MRPL47: variants seen among roughly 807,000 people sequenced by gnomAD.
The protein encoded by MRPL47 is mitochondrial ribosomal protein L47.
A neutral mutation model predicts 34.0 loss-of-function variants in MRPL47; 31 were observed. The ratio of observed to expected loss-of-function variants is 0.91; its 90% confidence interval spans 0.68 to 1.23. The LOEUF (loss-of-function observed/expected upper bound fraction) is 1.23, where lower values mean the gene tolerates loss of function less well. Among genes scored for constraint, MRPL47 ranks in the 50% most tolerant of loss-of-function variants. MRPL47 has a pLI of 0.00. For missense variants in MRPL47, 328 were observed against 285.8 expected, an observed-to-expected ratio of 1.15 and a Z score of -1.07; for synonymous variants, 106 against 101.6, an observed-to-expected ratio of 1.04 and a Z score of -0.26.
chr3:179,594,372 T>C (rs1189275200), intron 4 of MRPL47, among the ~76,000 whole-genome samples: 1 of 152,254 alleles, frequency 6.6e-6, no homozygotes, highest in Non-Finnish European at 1.5e-5. Flanking sequence ...TCCATCCAGA[T>C]ATGAATCTCC....
At chr3:179,592,361 A>AT (rs1388875299) in intron 6 of MRPL47, among the ~76,000 whole-genome samples, 1 of 151,542 alleles carries the variant, frequency 6.6e-6, no homozygotes, top group Non-Finnish European at 1.5e-5. Context: ...TGTCCGTCTA[A>AT]TTTTTTGTAT....
intron 4 of MRPL47, among the ~76,000 whole-genome samples, chr3:179,594,811 T>C (rs752686310): frequency 1.2e-4 from 19 of 152,010 alleles, no homozygotes; most frequent in African/African-American, 4.8e-5. Flanking sequence ...TAAATATTCA[T>C]ATGTTGGGGA....
At chr3:179,593,939 A>T in intron 4 of MRPL47, 44 bp from the exon 5 acceptor site, 1 of 1,571,332 alleles carries the variant, frequency 6.4e-7, no homozygotes, top group Non-Finnish European at 8.7e-7. Context: ...ATCATCTACT[A>T]CAAAATTCCC....
chr3:179,590,346 AAAAG>A (rs1718645927), intron 6 of MRPL47, among the ~76,000 whole-genome samples: 1 of 152,106 alleles, frequency 6.6e-6, no homozygotes. Flanking sequence ...TCAAAAAAAA[AAAAG>A]AAAAAAAGTG....
Position 179,595,328 on chromosome 3 carries a change from C to A in MRPL47, c.403-1433G>T, listed in dbSNP as rs201534079. Reference sequence around the variant, plus strand: ...CCTCCCAAAGTGCTGGGATTACAGACGTGAGCCATTGCACCTGGCCCATAA... The same window carrying A: ...CCTCCCAAAGTGCTGGGATTACAGAAGTGAGCCATTGCACCTGGCCCATAA... On this transcript the variant is annotated intron_variant, in intron 4 of 6. Transcript: ENST00000476781. 7.9e-5 allele frequency among the ~76,000 whole-genome samples: 12 copies of A among 152,308 alleles called. 1 individual carries two copies. In the East Asian group the frequency reaches 2.1e-3, roughly 27 times the overall value.
chr3:179,600,438 C>T (rs560015492), intron 3 of MRPL47, among the ~76,000 whole-genome samples: 2 of 151,984 alleles, frequency 1.3e-5, no homozygotes, highest in African/African-American at 4.8e-5. Context: ...GTCAGGAATT[C>T]AAGACTAGCC....
intron 6 of MRPL47, 93 bp from the exon 7 acceptor site, chr3:179,589,088 C>T: frequency 1.6e-6 from 2 of 1,244,168 alleles, no homozygotes. Flanking sequence ...TACATCAAAG[C>T]TTCAAACATG....
At chr3:179,596,099 T>A (rs187363174) in intron 4 of MRPL47, among the ~76,000 whole-genome samples, 15 of 152,380 alleles carry the variant, frequency 9.8e-5, no homozygotes, top group African/African-American at 3.4e-4. Context: ...GAGGGTCATT[T>A]ATCTCAAATG....
chr3:179,598,694 C>T lies in MRPL47; in HGVS notation c.383G>A (p.Ser128Asn), dbSNP rs749682060. Residue 128 changes from serine (S) to asparagine (N), a missense_variant, in exon 4 of 7, where the codon AGT becomes AAT. Ser to Asn is a conservative substitution (Grantham distance 46). Transcript: ENST00000476781. Reference sequence around the variant, plus strand: ...CCTTACCTTATCTAACCGCTCTGGACTTGGCATTGGCAATCTCTGCCGCTT... The same window carrying T: ...CCTTACCTTATCTAACCGCTCTGGATTTGGCATTGGCAATCTCTGCCGCTT... ...EAKRQRLPMP[S>N]PERLDKVVDS... The T allele has an allele frequency of 9.9e-6, 16 of 1,612,370 alleles. No individual in the cohort carries two copies. The highest frequency in any genetic ancestry group is 1.7e-5 in the Admixed American group (1 of 59,970).
chr3:179,602,564 G>A (rs991098388), intron 2 of MRPL47, 88 bp downstream of exon 2: 3 of 713,564 alleles, frequency 4.2e-6, no homozygotes, highest in African/African-American at 4.0e-5. Flanking sequence ...TTCCTAAACT[G>A]GATATATAAT....
Position 179,588,403 on chromosome 3 carries a change from A to G in MRPL47, c.*469T>C, listed in dbSNP as rs998974973. On this transcript the variant is annotated 3_prime_UTR_variant, in exon 7 of 7. Coordinates refer to ENST00000476781, the MANE Select transcript of MRPL47 (RefSeq NM_020409.3). ...TAAATAAAAATTAGCCATTCCAGAA[A>G]TATATTTTGGACTGTTGTGCACTGT... 3 of 185,690 alleles carry G rather than the reference A, an allele frequency of 1.6e-5. No individual in the cohort carries two copies. The highest frequency in any genetic ancestry group is 7.1e-5 in the African/African-American group (3 of 42,198). 11.5% of individuals were successfully genotyped at this position (185,690 alleles called of 1,614,324 possible).
At chr3:179,597,870 T>G (rs141958572) in intron 4 of MRPL47, among the ~76,000 whole-genome samples, 1 of 152,262 alleles carries the variant, frequency 6.6e-6, no homozygotes, top group Non-Finnish European at 1.5e-5. Flanking sequence ...TAAACACTAC[T>G]GACTATTACA....
intron 4 of MRPL47, among the ~76,000 whole-genome samples, chr3:179,595,867 T>C (rs1465106163): frequency 6.6e-6 from 1 of 152,220 alleles, no homozygotes; most frequent in Non-Finnish European, 1.5e-5. Context: ...AGGACTGTGT[T>C]CCAGGGTAAG....
In MRPL47 at chr3:179,598,694, C is replaced by A; in HGVS notation, c.383G>T (p.Ser128Ile). 1 of 1,612,488 alleles carries A rather than the reference C, an allele frequency of 6.2e-7. No homozygotes were observed. Among genetic ancestry groups the A allele is most frequent in the South Asian group, 1.1e-5 (1 of 91,066 alleles). The change falls in exon 4 of 7, where the codon AGT (serine) becomes ATT (isoleucine). Residue 128 changes from serine to isoleucine, a missense_variant. Transcript: ENST00000476781. The stretch of plus-strand genomic sequence containing the variant: ...CCTTACCTTATCTAACCGCTCTGGA[C>A]TTGGCATTGGCAATCTCTGCCGCTT... ...EAKRQRLPMP[S>I]PERLDKVVDS...
At chr3:179,602,620 A>G (rs766836146) in intron 2 of MRPL47, 32 bp downstream of exon 2, 1 of 1,403,746 alleles carries the variant, frequency 7.1e-7, no homozygotes, top group East Asian at 2.4e-5. Context: ...TTCCATAAAT[A>G]TATCTAATGT....
At chr3:179,590,182 T>C (rs1287712168) in intron 6 of MRPL47, among the ~76,000 whole-genome samples, 1 of 151,854 alleles carries the variant, frequency 6.6e-6, no homozygotes, top group Non-Finnish European at 1.5e-5. Flanking sequence ...CTGCTAAGAA[T>C]ACAAAAATTA....
At chr3:179,589,039 C>A (rs1456174115) in intron 6 of MRPL47, 44 bp from the exon 7 acceptor site, 17 of 1,565,750 alleles carry the variant, frequency 1.1e-5, no homozygotes, top group Non-Finnish European at 1.4e-5. Context: ...AAAAATATTT[C>A]CTTGTTATTC....
chr3:179,604,468 G>C (rs995621944), intron 1 of MRPL47, 59 bp downstream of exon 1: 1 of 1,513,468 alleles, frequency 6.6e-7, no homozygotes, highest in African/African-American at 1.4e-5. Flanking sequence ...CGGCATCTCG[G>C]CAACCAAACA....
chr3:179,589,568 T>C (rs376538732), intron 6 of MRPL47, among the ~76,000 whole-genome samples: 3 of 152,202 alleles, frequency 2.0e-5, no homozygotes, highest in Non-Finnish European at 4.4e-5. Flanking sequence ...AATCCTTGCA[T>C]ACCAAGCTCT....
Sources: allele counts gnomAD v4.1 joint callset (sites outside exome capture counted in the v4.1 genomes callset), GRCh38; gene constraint gnomAD v4.1.1; transcripts MANE v1.5; gene names NCBI Gene and HGNC (gene_info 2026-07-23, HGNC 2026-07-21).